DNMT3A: variants seen among roughly 807,000 people sequenced by gnomAD.
The protein encoded by DNMT3A is DNA methyltransferase 3 alpha.
A neutral mutation model predicts 117.6 loss-of-function variants in DNMT3A; 267 were observed. The ratio of observed to expected loss-of-function variants is 2.27; its 90% CI spans 2.05 to 2.51. The LOEUF (loss-of-function observed/expected upper bound fraction) is 2.51. Among genes scored for constraint, DNMT3A ranks in the 30% most tolerant of loss-of-function variants. The pLI is 0.00. For synonymous variants in DNMT3A, 432 were observed against 474.8 expected, an observed-to-expected ratio of 0.91 and a Z score of 1.17; for missense variants, 1,029 against 1,260.2, an observed-to-expected ratio of 0.82 and a Z score of 2.78.
rs1246050698 is a variant in DNMT3A at position 25,304,446 on chromosome 2, C to G, written c.73-4203G>C. ...TTCACTCCCACTCCATCCTCCCCAT[C>G]CCCCTCTCCCTGCCTCGTGCAAATC... On this transcript the variant is annotated intron_variant, in intron 2 of 22. Coordinates refer to ENST00000321117, the MANE Select transcript of DNMT3A (RefSeq NM_022552.5). The surrounding 1 kb of genome is among the most constrained non-coding windows in gnomAD (Gnocchi z 4.3). 6.6e-6 allele frequency among the ~76,000 whole-genome samples: 1 copy of G among 152,210 alleles called. No homozygotes were observed. The highest frequency in any genetic ancestry group is 2.4e-5 in the African/African-American group (1 of 41,444).
Position 25,236,956 on chromosome 2 carries a change from CCAGA to C in DNMT3A, c.2454_2457del (p.Cys818TrpfsTer6). 2 of 1,613,552 alleles carry C rather than the reference CCAGA, an allele frequency of 1.2e-6. No individual in the cohort carries two copies. Among genetic ancestry groups the C allele is most frequent in the Non-Finnish European group, 8.5e-7 (1 of 1,179,844 alleles). ...CTGACCTTGGCTATCCTGCCATGCTCCAGACACTCCTGCAGCTCCAGCTTATCAT... is the reference window on the plus strand; with the variant it reads ...CTGACCTTGGCTATCCTGCCATGCTCCACTCCTGCAGCTCCAGCTTATCAT... On this transcript the variant is annotated frameshift_variant, in exon 21 of 23. Coordinates refer to ENST00000321117, the MANE Select transcript of DNMT3A (RefSeq NM_022552.5). LOFTEE classifies it high-confidence loss of function. The surrounding 1 kb of genome is among the most constrained non-coding windows in gnomAD (Gnocchi z 4.5).
At chr2:25,272,975 G>GTTTTTTTTTTTTTT (rs2031062853) in intron 6 of DNMT3A, among the ~76,000 whole-genome samples, 1 of 38,290 alleles carries the variant, frequency 2.6e-5, no homozygotes, top group African/African-American at 1.9e-4. Flanking sequence ...CTAATTGTTT[G>GTTTTTTTTTTTTTT]TATTTTTTTT....
intron 1 of DNMT3A, among the ~76,000 whole-genome samples, chr2:25,329,120 C>T (rs888798055): frequency 2.6e-5 from 4 of 152,172 alleles, no homozygotes; most frequent in African/African-American, 2.4e-5. Context: ...CCCACAGGGC[C>T]GCCTTTCTCC....
intron 22 of DNMT3A, among the ~76,000 whole-genome samples, chr2:25,235,162 G>A (rs917392721): frequency 6.6e-6 from 1 of 151,820 alleles, no homozygotes; most frequent in African/African-American, 2.4e-5. Flanking sequence ...AGACAAGGCA[G>A]CAGGGGATTT....
At chr2:25,287,101 C>A (rs1469378030) in intron 3 of DNMT3A, among the ~76,000 whole-genome samples, 1 of 152,218 alleles carries the variant, frequency 6.6e-6, no homozygotes, top group East Asian at 1.9e-4. Context: ...AGCTTTGCTG[C>A]CATGTCTGTT....
In DNMT3A at chr2:25,230,098, C is replaced by G. The variant is rs1672809312; in HGVS notation, c.*4181G>C. On this transcript the variant is annotated 3_prime_UTR_variant, in exon 23 of 23. Coordinates refer to ENST00000321117, the MANE Select transcript of DNMT3A (RefSeq NM_022552.5). The stretch of plus-strand genomic sequence containing the variant: ...CACCCAGGCCTGTTTCAAAAGCTAA[C>G]AGGTCCCGGGTGCTCTCTTGGAAAG... 6.6e-6 allele frequency: 1 copy of G among 152,256 alleles called. No homozygotes were observed. Among genetic ancestry groups the G allele is most frequent in the Admixed American group, 6.5e-5 (1 of 15,286 alleles). 9.4% of individuals were successfully genotyped at this position (152,256 alleles called of 1,614,324 possible). A position where few individuals can be genotyped will look rare whatever the true frequency, so the allele number is the denominator to read the frequency against.
intron 1 of DNMT3A, chr2:25,314,585 C>T (rs2034291789): frequency 1.0e-6 from 1 of 985,292 alleles, no homozygotes; most frequent in African/African-American, 1.7e-5. Context: ...TCACCCCCAC[C>T]CCCACACCTC....
chr2:25,342,518 TC>T (rs530240941), upstream of DNMT3A: 1 of 152,098 alleles, frequency 6.6e-6, no homozygotes, highest in Non-Finnish European at 1.5e-5. This position sits in a 1 kb window ranked among gnomAD's most constrained non-coding sequence, Gnocchi z 5.9. Context: ...GTCAAGTGCC[TC>T]CCCCCGCAGC....
At chr2:25,240,223 T>C in intron 19 of DNMT3A, 79 bp downstream of exon 19, 1 of 1,594,566 alleles carries the variant, frequency 6.3e-7, no homozygotes, top group Non-Finnish European at 8.6e-7. Flanking sequence ...AGCTCCACAA[T>C]GCAGATGAGA....
intron 1 of DNMT3A, chr2:25,314,806 C>G (rs866812222): frequency 1.4e-6 from 1 of 713,822 alleles, no homozygotes; most frequent in Non-Finnish European, 1.7e-6. Context: ...CTCTCTCCCC[C>G]ACCCCATGAA....
intron 3 of DNMT3A, among the ~76,000 whole-genome samples, chr2:25,291,358 C>A (rs2032751735): frequency 6.6e-6 from 1 of 152,236 alleles, no homozygotes; most frequent in Non-Finnish European, 1.5e-5. Flanking sequence ...GCGGCCCTCA[C>A]CAGAGATCTG....
At position 25,234,611 on chromosome 2, in the gene DNMT3A, C is replaced by A. The variant is rs549088738; in HGVS notation, c.2598-191G>T. Among the ~76,000 whole-genome samples the A allele has an allele frequency of 6.6e-6, 1 of 152,148 alleles. No homozygotes were observed. The highest frequency in any genetic ancestry group is 1.5e-5 in the Non-Finnish European group (1 of 68,038). The stretch of plus-strand genomic sequence containing the variant: ...AATCTTCTGTCCTTTATAAACAACC[C>A]GGCACTCAGATCACCAACCATGTGC... On this transcript the variant is annotated intron_variant, in intron 22 of 22. Coordinates refer to ENST00000321117, the MANE Select transcript of DNMT3A (RefSeq NM_022552.5). This position sits in a 1 kb window ranked among gnomAD's most constrained non-coding sequence, Gnocchi z 4.5.
chr2:25,261,734 A>C (rs1484871417), intron 6 of DNMT3A, among the ~76,000 whole-genome samples: 1 of 152,064 alleles, frequency 6.6e-6, no homozygotes, highest in Non-Finnish European at 1.5e-5. Context: ...ATCCTCCTGG[A>C]CGTTGACCCC....
intron 2 of DNMT3A, among the ~76,000 whole-genome samples, chr2:25,302,966 T>A (rs2033599323): frequency 6.6e-6 from 1 of 152,136 alleles, no homozygotes; most frequent in African/African-American, 2.4e-5. Flanking sequence ...TCCTCATCCA[T>A]AAAATGGGGG....
chr2:25,284,519 T>C (rs1235116985), intron 3 of DNMT3A, among the ~76,000 whole-genome samples: 2 of 151,560 alleles, frequency 1.3e-5, no homozygotes, highest in Non-Finnish European at 2.9e-5. Flanking sequence ...TGGTGGTGCA[T>C]GCCTGTCATC....
chr2:25,262,762 A>T (rs549088743), intron 6 of DNMT3A, among the ~76,000 whole-genome samples: 1 of 150,446 alleles, frequency 6.6e-6, no homozygotes, highest in South Asian at 2.1e-4. Flanking sequence ...ATTTCTCACT[A>T]TGGCAGGAAG....
chr2:25,312,900 C>T (rs1056595952), intron 2 of DNMT3A, among the ~76,000 whole-genome samples: 1 of 152,104 alleles, frequency 6.6e-6, no homozygotes, highest in African/African-American at 2.4e-5. Flanking sequence ...CCAACTGGTG[C>T]CCCCATGAGC....
Position 25,252,113 on chromosome 2 carries a change from C to A in DNMT3A, c.640-3861G>T, listed in dbSNP as rs1484505048. 1 of 1,524,194 alleles carries A rather than the reference C, an allele frequency of 6.6e-7. No homozygotes were observed. The highest frequency in any genetic ancestry group is 1.2e-5 in the South Asian group (1 of 82,200). The allele number at this position is 1,524,194 out of a possible 1,614,324, so 94.4% of individuals were successfully genotyped here. Reference sequence around the variant, plus strand: ...GAGGCATACTTCACTCTTTTCAAACCCGGAGGGCTGCGGAGATCCTCCCAC... The same window carrying A: ...GAGGCATACTTCACTCTTTTCAAACACGGAGGGCTGCGGAGATCCTCCCAC... On this transcript the variant is annotated intron_variant, in intron 6 of 22. Coordinates refer to ENST00000321117, the MANE Select transcript of DNMT3A (RefSeq NM_022552.5). This position sits in a 1 kb window ranked among gnomAD's most constrained non-coding sequence, Gnocchi z 5.5.
chr2:25,319,957 A>G (rs777177187), intron 1 of DNMT3A, among the ~76,000 whole-genome samples: 2 of 152,026 alleles, frequency 1.3e-5, no homozygotes, highest in Non-Finnish European at 2.9e-5. Context: ...TTTAGTAGAG[A>G]TGGGATTTTG....
Sources: allele counts gnomAD v4.1 joint callset (sites outside exome capture counted in the v4.1 genomes callset), GRCh38; gene constraint gnomAD v4.1.1; non-coding constraint Gnocchi (gnomAD v3.1); transcripts MANE v1.5; gene names NCBI Gene and HGNC (gene_info 2026-07-23, HGNC 2026-07-21).